RASA3: variants seen among roughly 807,000 people sequenced by gnomAD.
RASA3 encodes ras GTPase-activating protein 3.
Under a neutral mutation model 110.0 loss-of-function variants are expected in RASA3, and 73 were observed. The ratio of observed to expected loss-of-function variants is 0.66; its 90% CI spans 0.55 to 0.81. RASA3 has a LOEUF of 0.81. Among genes scored for constraint, RASA3 ranks in the 30% least tolerant of loss-of-function variants. The probability of loss-of-function intolerance (pLI) is 0.00; values close to 1 mark genes in which losing one functional copy is unlikely to be tolerated. For synonymous variants in RASA3, 500 were observed against 451.4 expected (o/e 1.11, Z -1.37); for missense variants, 976 against 1,113.2 (o/e 0.88, Z 1.75).
At position 113,998,259 on chromosome 13, in the gene RASA3, C is replaced by A. The variant is rs1289709732; in HGVS notation, c.1932+1326G>T. ...AGCCCACACCCTCCTCTTCCCATCTCCCCCTCTTCCCAACCCTTCTCTTCC... is the reference window on the plus strand; with the variant it reads ...AGCCCACACCCTCCTCTTCCCATCTACCCCTCTTCCCAACCCTTCTCTTCC... On this transcript the variant is annotated intron_variant, in intron 20 of 23. Transcript: ENST00000334062. 5.9e-3 allele frequency among the ~76,000 whole-genome samples: 899 copies of A among 152,278 alleles called. 2 individuals are homozygous for A. Among genetic ancestry groups the A allele is most frequent in the African/African-American group, 0.017 (721 of 41,550 alleles).
Position 113,996,621 on chromosome 13 carries a change from G to T in RASA3, c.2051C>A (p.Thr684Asn). ...KVSQCNQKRL[T>N]VYHPSAYLSG... ...CAGGTAGGCGGACGGGTGGTAGACG[G>T]TGAGGCGCTTCTGGTTGCACTGGCT... Residue 684 changes from threonine (T) to asparagine (N), a missense_variant, in exon 21 of 24, where the codon ACC becomes AAC. Thr to Asn is a moderately conservative substitution (Grantham distance 65). Coordinates refer to ENST00000334062, the MANE Select transcript of RASA3 (RefSeq NM_007368.4). The T allele has an allele frequency of 6.2e-7, 1 of 1,613,726 alleles. No homozygotes were observed. The highest frequency in any genetic ancestry group is 8.5e-7 in the Non-Finnish European group (1 of 1,180,032).
At chr13:114,034,446 G>T (rs146396160) in intron 4 of RASA3, among the ~76,000 whole-genome samples, 2 of 152,092 alleles carry the variant, frequency 1.3e-5, no homozygotes, top group African/African-American at 4.8e-5. Context: ...CTGGCAGCAG[G>T]CTGTGCGGCC....
intron 2 of RASA3, among the ~76,000 whole-genome samples, chr13:114,069,035 G>A (rs562059624): frequency 5.8e-4 from 88 of 152,268 alleles, no homozygotes; most frequent in African/African-American, 1.9e-3. Flanking sequence ...CCAGGGCCTC[G>A]GACGCGCGGC....
intron 4 of RASA3, among the ~76,000 whole-genome samples, chr13:114,033,040 C>A (rs13378889): frequency 0.46 from 8,567 of 18,660 alleles, 1,989 homozygotes; most frequent in Middle Eastern, 0.81. Context: ...TTCCACGGCA[C>A]CCCCACACTG....
intron 4 of RASA3, among the ~76,000 whole-genome samples, chr13:114,034,768 TC>T (rs2054248381): frequency 6.6e-6 from 1 of 152,244 alleles, no homozygotes; most frequent in African/African-American, 2.4e-5. Context: ...TTTAAAATGT[TC>T]CGGAATAAAC....
At position 114,017,350 on chromosome 13, in the gene RASA3, C is replaced by T. The variant is rs775203793; in HGVS notation, c.1093G>A (p.Asp365Asn). 55 of 1,613,024 alleles carry T rather than the reference C, an allele frequency of 3.4e-5. No individual in the cohort carries two copies. Among genetic ancestry groups the T allele is most frequent in the Non-Finnish European group, 4.6e-5 (54 of 1,179,280 alleles). Residue 365 changes from aspartate to asparagine, a missense_variant and splice_region_variant, in exon 12 of 24, where the codon GAC (aspartate) becomes AAC (asparagine). Asp to Asn is a conservative substitution (Grantham distance 23). Coordinates refer to ENST00000334062, the MANE Select transcript of RASA3 (RefSeq NM_007368.4). ...TTTCCTCGGAAGATGGTGTTGGGGT[C>T]CCTGGGAAATGGCGATGGGGACAGC... ...IASAEVKRTQDPNTIFRGNSL... is the reference protein window; with the variant it reads ...IASAEVKRTQNPNTIFRGNSL...
chr13:114,001,962 G>T (rs2053414806), intron 18 of RASA3, among the ~76,000 whole-genome samples: 1 of 152,266 alleles, frequency 6.6e-6, no homozygotes, highest in East Asian at 1.9e-4. Context: ...CACCGAGGAT[G>T]CAAGGCCTCA....
intron 8 of RASA3, among the ~76,000 whole-genome samples, chr13:114,022,756 A>C (rs989564936): frequency 2.0e-5 from 3 of 152,232 alleles, no homozygotes; most frequent in African/African-American, 7.2e-5. Context: ...AAATATTTAA[A>C]ACATGTTTTG....
chr13:114,004,821 G>A (rs1327121796), intron 18 of RASA3, among the ~76,000 whole-genome samples: 1 of 152,184 alleles, frequency 6.6e-6, no homozygotes, highest in Non-Finnish European at 1.5e-5. Flanking sequence ...ACACCTGCAT[G>A]CGTACGTTTA....
chr13:114,040,741 G>A (rs1052044656), intron 4 of RASA3, among the ~76,000 whole-genome samples: 15 of 146,078 alleles, frequency 1.0e-4, no homozygotes, highest in Non-Finnish European at 1.5e-4. Flanking sequence ...ACAAGCGGGC[G>A]AACATGCACA....
At chr13:113,999,743 CTGCCGGGGGGTCTCCCAGGGGGTCTT>C in intron 19 of RASA3, 76 bp from the exon 20 acceptor site, 1 of 1,144,558 alleles carries the variant, frequency 8.7e-7, no homozygotes, top group Non-Finnish European at 1.3e-6. Flanking sequence ...TGAGGGGTCT[CTGCCGGGGGGTCTCCCAGGGGGTCTT>C]TACCGGGGGG....
At chr13:114,018,393 C>T in intron 10 of RASA3, 141 bp from the exon 11 acceptor site, 1 of 1,200,168 alleles carries the variant, frequency 8.3e-7, no homozygotes, top group Non-Finnish European at 1.1e-6. Flanking sequence ...TTCACAAAAA[C>T]ACCAAACTTC....
rs143159996 is a variant in RASA3 at position 114,118,707 on chromosome 13, C to T, written c.55+13728G>A. ...TAAGCAAGTGGCAGCTTTTGAGCTC[C>T]GCACACTCCGTGTGACCATCCACAA... is the stretch of plus-strand genomic sequence containing the variant. On this transcript the variant is annotated intron_variant, in intron 1 of 23. Coordinates refer to ENST00000334062, the MANE Select transcript of RASA3 (RefSeq NM_007368.4). 7.8e-3 allele frequency among the ~76,000 whole-genome samples: 1,191 copies of T among 152,362 alleles called. 10 individuals are homozygous for T. The highest frequency in any genetic ancestry group is 0.038 in the South Asian group (184 of 4,832).
chr13:113,993,988 TGTGCAGAAC>T (rs1030079379), intron 21 of RASA3, among the ~76,000 whole-genome samples: 2 of 152,230 alleles, frequency 1.3e-5, no homozygotes, highest in African/African-American at 2.4e-5. Flanking sequence ...AATGCTGCCT[TGTGCAGAAC>T]GTGTGAAATA....
intron 1 of RASA3, among the ~76,000 whole-genome samples, chr13:114,084,048 G>C (rs1461867374): frequency 0.17 from 1 of 6 alleles, no homozygotes; most frequent in Non-Finnish European, 0.17. Context: ...TCCCGGGGAA[G>C]TGCTGAGTCT....
rs1218704463 is a variant in RASA3 at position 114,007,970 on chromosome 13, C to G, written c.1669-364G>C. ...CAGAGCCCTGGGGCCTGGAGGTTGCCCCCACGCACCGCGTTCCTGACTGTG... is the reference window on the plus strand; with the variant it reads ...CAGAGCCCTGGGGCCTGGAGGTTGCGCCCACGCACCGCGTTCCTGACTGTG... On this transcript the variant is annotated intron_variant, in intron 17 of 23. Coordinates refer to ENST00000334062, the MANE Select transcript of RASA3 (RefSeq NM_007368.4). 1.8e-5 allele frequency among the ~76,000 whole-genome samples: 2 copies of G among 108,190 alleles called. 1 individual carries two copies. The highest frequency in any genetic ancestry group is 3.9e-5 in the Non-Finnish European group (2 of 51,506). The allele number at this position is 108,190 out of a possible 152,430, so 71.0% of individuals were successfully genotyped here.
chr13:114,030,462 A>AG (rs1194939131), intron 4 of RASA3, among the ~76,000 whole-genome samples: 12 of 111,272 alleles, frequency 1.1e-4, no homozygotes, highest in African/African-American at 3.5e-4. Context: ...AGGCTCACAC[A>AG]GAGGGCAAGG....
intron 1 of RASA3, among the ~76,000 whole-genome samples, chr13:114,132,154 C>T (rs1404712565): frequency 6.6e-6 from 1 of 152,210 alleles, no homozygotes; most frequent in Non-Finnish European, 1.5e-5. Context: ...GCAGGGACCC[C>T]ACCTCCTCCG....
At chr13:114,090,428 G>A (rs1334918018) in intron 1 of RASA3, among the ~76,000 whole-genome samples, 1 of 152,154 alleles carries the variant, frequency 6.6e-6, no homozygotes, top group African/African-American at 2.4e-5. Flanking sequence ...TAATATTTTT[G>A]GTGTAAGACC....
Sources: allele counts gnomAD v4.1 joint callset (sites outside exome capture counted in the v4.1 genomes callset), GRCh38; gene constraint gnomAD v4.1.1; transcripts MANE v1.5; gene names NCBI Gene and HGNC (gene_info 2026-07-23, HGNC 2026-07-21).